The following RPS11 variants were observed in gnomAD, a reference collection of about 807,000 sequenced individuals.
RPS11 encodes ribosomal protein S11, also known as small ribosomal subunit protein uS17.
For missense variants in RPS11, 127 were observed against 211.4 expected, an observed-to-expected ratio of 0.60 and a Z score of 2.48; for synonymous variants, 107 against 78.0, an observed-to-expected ratio of 1.37 and a Z score of -1.96.
intron 1 of RPS11, 79 bp downstream of exon 1, chr19:49,496,550 C>A: frequency 7.0e-7 from 1 of 1,437,486 alleles, no homozygotes; most frequent in Non-Finnish European, 9.4e-7. Context: ...CAGAGCCCGG[C>A]GGCCAAGTTC....
chr19:49,499,438 G>A, intron 4 of RPS11, 74 bp from the exon 5 acceptor site: 3 of 1,537,016 alleles, frequency 2.0e-6, no homozygotes, highest in Non-Finnish European at 2.7e-6. Context: ...TTAGCCTGGT[G>A]AAGGGGAGGG....
chr19:49,499,429 T>C (rs756628), intron 4 of RPS11, 83 bp from the exon 5 acceptor site: 193,999 of 1,488,584 alleles, frequency 0.13, 21,830 homozygotes, highest in African/African-American at 0.6. Context: ...AGAGAGCCTT[T>C]AGCCTGGTGA....
Position 49,497,879 on chromosome 19 carries a change from C to T in RPS11, c.224-38C>T, listed in dbSNP as rs375919672. ...CCCTGGGTTACCTATGGCCCTCTTT[C>T]CCATGGGACCTGACCTATGATCGGC... On this transcript the variant is annotated intron_variant, in intron 3 of 4. Transcript: ENST00000270625. The T allele has an allele frequency of 4.6e-4, 749 of 1,613,870 alleles. 1 individual carries two copies. The Middle Eastern group carries it at 5.6e-3, about 12-fold the overall frequency.
In RPS11 at chr19:49,499,500, C is replaced by G. The variant is rs755820473; in HGVS notation, c.354-12C>G. ...GCCCCTCCTGAGGACATGGCCCTAC[C>G]TGCCTCCACAGGGACGTCCAGATCG... On this transcript the variant is annotated splice_polypyrimidine_tract_variant and intron_variant, in intron 4 of 4. Coordinates refer to ENST00000270625, the MANE Select transcript of RPS11 (RefSeq NM_001015.5). The G allele has an allele frequency of 6.2e-7, 1 of 1,611,712 alleles. No individual in the cohort carries two copies. The highest frequency in any genetic ancestry group is 8.5e-7 in the Non-Finnish European group (1 of 1,178,138).
intron 1 of RPS11, among the ~76,000 whole-genome samples, chr19:49,496,936 G>A (rs2079909271): frequency 6.6e-6 from 1 of 152,090 alleles, no homozygotes; most frequent in Non-Finnish European, 1.5e-5. Flanking sequence ...TTTAGAGGAT[G>A]AATTTTGCAA....
intron 1 of RPS11, among the ~76,000 whole-genome samples, 181 bp from the exon 2 acceptor site, chr19:49,497,012 AC>A (rs1342293738): frequency 6.6e-6 from 1 of 152,078 alleles, no homozygotes; most frequent in Non-Finnish European, 1.5e-5. Flanking sequence ...AGTATGAATT[AC>A]AGGTAAGGTC....
intron 1 of RPS11, among the ~76,000 whole-genome samples, chr19:49,496,686 C>G (rs968539086): frequency 1.3e-5 from 2 of 152,102 alleles, no homozygotes; most frequent in Non-Finnish European, 2.9e-5. Context: ...GAGGCTCAAG[C>G]GTTTTAGGAC....
At chr19:49,497,733 T>G in intron 3 of RPS11, 138 bp downstream of exon 3, 2 of 1,141,154 alleles carry the variant, frequency 1.8e-6, no homozygotes, top group Non-Finnish European at 1.3e-6. Context: ...AGATGATGTT[T>G]GTTTTCACGA....
Position 49,499,638 on chromosome 19 carries a change from C to T in RPS11, c.*3C>T, listed in dbSNP as rs11549538. On this transcript the variant is annotated 3_prime_UTR_variant, in exon 5 of 5. Transcript: ENST00000270625. ...AGAAGCAGTTCCAGAAGTTCTGAGG[C>T]TGGACATCGGCCCGCTCCCCACAAT... 1 of 1,612,974 alleles carries T rather than the reference C, an allele frequency of 6.2e-7. No homozygotes were observed. Among genetic ancestry groups the T allele is most frequent in the South Asian group, 1.1e-5 (1 of 91,028 alleles).
intron 1 of RPS11, among the ~76,000 whole-genome samples, chr19:49,496,729 T>G (rs900539446): frequency 6.6e-6 from 1 of 152,114 alleles, no homozygotes; most frequent in African/African-American, 2.4e-5. Flanking sequence ...TAAGAAGGTT[T>G]TTTTGGAGTT....
chr19:49,497,273 A>G lies in RPS11; in HGVS notation c.95A>G (p.Lys32Arg), dbSNP rs778586777. The change falls in exon 2 of 5, where the codon AAG (lysine) becomes AGG (arginine). Residue 32 changes from lysine to arginine, a missense_variant. Transcript: ENST00000270625. ...CTGCTGGGAGAAACTGGCAAGGAGA[A>G]GCTCCCGCGGTACTACAAGAACATC... The part of the protein sequence containing the change: ...RVLLGETGKE[K>R]LPRYYKNIGL... 1.9e-6 allele frequency: 3 copies of G among 1,614,172 alleles called. No homozygotes were observed. The highest frequency in any genetic ancestry group is 2.5e-6 in the Non-Finnish European group (3 of 1,180,036).
chr19:49,496,480 T>G lies in RPS11; in HGVS notation c.15+9T>G, dbSNP rs981358470. ...AGATGGCGGACATTCAGGTGCGGAC[T>G]CGGGGTTGGATGCCAGGGTGCGGGG... On this transcript the variant is annotated intron_variant, in intron 1 of 4. Transcript: ENST00000270625. The G allele has an allele frequency of 1.2e-6, 2 of 1,610,284 alleles. No individual in the cohort carries two copies. The highest frequency in any genetic ancestry group is 1.7e-5 in the Admixed American group (1 of 59,766).
At chr19:49,499,089 G>A (rs1261854629) in intron 4 of RPS11, among the ~76,000 whole-genome samples, 1 of 152,176 alleles carries the variant, frequency 6.6e-6, no homozygotes, top group Non-Finnish European at 1.5e-5. Context: ...GGCCCTCTGG[G>A]CGGGGAGGAT....
At chr19:49,499,350 C>T (rs739349) in intron 4 of RPS11, among the ~76,000 whole-genome samples, 162 bp from the exon 5 acceptor site, 37,316 of 152,042 alleles carry the variant, frequency 0.25, 8,129 homozygotes, top group African/African-American at 0.59. Flanking sequence ...TGGCACAAAA[C>T]TTGTACGAAA....
intron 4 of RPS11, chr19:49,498,279 TAGTG>T (rs1235878164): frequency 1.1e-5 from 6 of 534,590 alleles, no homozygotes; most frequent in Admixed American, 3.1e-5. Flanking sequence ...CTCGCATACA[TAGTG>T]AGATGTTTTG....
At chr19:49,498,899 C>T (rs981962251) in intron 4 of RPS11, among the ~76,000 whole-genome samples, 1 of 152,126 alleles carries the variant, frequency 6.6e-6, no homozygotes, top group Non-Finnish European at 1.5e-5. Context: ...AACGTTTGTT[C>T]ATTCCCTCAG....
Position 49,496,532 on chromosome 19 carries a change from C to T in RPS11, c.15+61C>T, listed in dbSNP as rs1207815101. 2 of 1,535,178 alleles carry T rather than the reference C, an allele frequency of 1.3e-6. 1 individual carries two copies. Among genetic ancestry groups the T allele is most frequent in the South Asian group, 2.4e-5 (2 of 83,846 alleles). On this transcript the variant is annotated intron_variant, in intron 1 of 4. Transcript: ENST00000270625. ...CCGCCTTGGCCTTCAGGGGCGCGTC[C>T]GGGAGGGCAGAGCCCGGCGGCCAAG...
chr19:49,499,390 G>A lies in RPS11; in HGVS notation c.354-122G>A, dbSNP rs1444359212. ...GGGACAGGTTGAATTGGCGAGTAGA[G>A]CTTGGTTGGGGTTTGGTGGAGCCGA... On this transcript the variant is annotated intron_variant, in intron 4 of 4. Transcript: ENST00000270625. 2.7e-5 allele frequency: 29 copies of A among 1,066,416 alleles called. No individual in the cohort carries two copies. In the East Asian group the frequency reaches 6.4e-4, roughly 24 times the overall value. 66.1% of individuals were successfully genotyped at this position (1,066,416 alleles called of 1,614,324 possible).
intron 3 of RPS11, 106 bp from the exon 4 acceptor site, chr19:49,497,811 G>A (rs371422844): frequency 1.3e-5 from 20 of 1,511,970 alleles, no homozygotes; most frequent in Non-Finnish European, 1.8e-5. Flanking sequence ...CGGAAATGGG[G>A]CTTTTTGGGA....
Sources: allele counts gnomAD v4.1 joint callset (sites outside exome capture counted in the v4.1 genomes callset), GRCh38; gene constraint gnomAD v4.1.1; transcripts MANE v1.5; gene names NCBI Gene and HGNC (gene_info 2026-07-23, HGNC 2026-07-21).